The following CAMTA1 variants were observed in gnomAD, a reference collection of about 807,000 sequenced individuals.
CAMTA1 encodes the protein calmodulin binding transcription activator 1.
In CAMTA1, 27 loss-of-function variants were observed where a neutral mutation model predicts 170.9. The observed-to-expected ratio is 0.16, with a 90% CI of 0.12 to 0.22. The LOEUF is 0.22. CAMTA1 is among the 10% of genes least tolerant of loss of function. The pLI is 1.00. For missense variants in CAMTA1, 1,619 were observed against 2,217.2 expected (o/e 0.73, Z 5.42); for synonymous variants, 833 against 891.5 (o/e 0.93, Z 1.17).
intron 17 of CAMTA1, 122 bp downstream of exon 17, chr1:7,745,144 G>C: frequency 2.1e-5 from 20 of 945,016 alleles, no homozygotes; most frequent in Non-Finnish European, 3.1e-5. Context: ...AAGGAAGGAA[G>C]CATGAGGACA....
chr1:7,492,541 G>A (rs2093720805), intron 6 of CAMTA1, among the ~76,000 whole-genome samples: 1 of 152,098 alleles, frequency 6.6e-6, no homozygotes, highest in Non-Finnish European at 1.5e-5. Flanking sequence ...AGCACTGTGA[G>A]GGCTTGAACA....
At chr1:7,145,950 T>A (rs947448267) in intron 4 of CAMTA1, among the ~76,000 whole-genome samples, 6 of 152,204 alleles carry the variant, frequency 3.9e-5, no homozygotes, top group African/African-American at 1.2e-4. Flanking sequence ...TTTCTTTATG[T>A]CCCTGAGCTT....
rs1655449575 is a variant in CAMTA1 at position 7,195,984 on chromosome 1, T to C, written c.303-53507T>C. ...GTGAGCTGAGATCATCCCACTGCAC[T>C]CCAGCCTGGGCAACACAGTGAGATA... is the stretch of plus-strand genomic sequence containing the variant. On this transcript the variant is annotated intron_variant, in intron 4 of 22. Coordinates refer to ENST00000303635, the MANE Select transcript of CAMTA1 (RefSeq NM_015215.4). The surrounding 1 kb of genome is among the most constrained non-coding windows in gnomAD (Gnocchi z 4.1). Among the ~76,000 whole-genome samples, 1 of 151,956 alleles carries C rather than the reference T, an allele frequency of 6.6e-6. No homozygotes were observed. The highest frequency in any genetic ancestry group is 1.5e-5 in the Non-Finnish European group (1 of 67,990).
At chr1:7,378,500 G>C (rs932274729) in intron 5 of CAMTA1, among the ~76,000 whole-genome samples, 3 of 152,212 alleles carry the variant, frequency 2.0e-5, no homozygotes, top group Non-Finnish European at 4.4e-5. Context: ...AAAGAAGTCA[G>C]TCGCAGCAGG....
chr1:7,162,704 G>C (rs562715788), intron 4 of CAMTA1, among the ~76,000 whole-genome samples: 7 of 152,222 alleles, frequency 4.6e-5, no homozygotes, highest in Admixed American at 2.6e-4. Context: ...TCATTTATCA[G>C]CTCCTCAGTT....
chr1:7,428,283 C>T lies in CAMTA1; in HGVS notation c.439-39547C>T, dbSNP rs1032620871. On this transcript the variant is annotated intron_variant, in intron 5 of 22. Coordinates refer to ENST00000303635, the MANE Select transcript of CAMTA1 (RefSeq NM_015215.4). ...GGGAAGACCTCGTCGGGCGAATGCA[C>T]TGTTCCATTGCCAGCACCTAGACCA... Among the ~76,000 whole-genome samples the T allele has an allele frequency of 3.9e-5, 6 of 152,212 alleles. No individual in the cohort carries two copies. In the East Asian group the frequency reaches 1.2e-3, roughly 30 times the overall value.
chr1:7,347,416 G>A (rs561559259), intron 5 of CAMTA1, among the ~76,000 whole-genome samples: 2 of 152,266 alleles, frequency 1.3e-5, no homozygotes, highest in East Asian at 3.9e-4. Flanking sequence ...CCAGGGTCAC[G>A]GGCTTTGGCT....
intron 6 of CAMTA1, among the ~76,000 whole-genome samples, chr1:7,583,998 G>A (rs2095285551): frequency 6.6e-6 from 1 of 152,158 alleles, no homozygotes; most frequent in Non-Finnish European, 1.5e-5. Flanking sequence ...TGGAGAATGG[G>A]GCGTCCATGG....
rs2150264236 is a variant in CAMTA1 at position 7,562,021 on chromosome 1, T to C, written c.511-78379T>C. ...AGATCATGAGGCTTTCTGCAGACTTTGTCCCCATCGAAGGGTCGTGGCCAA... is the reference window on the plus strand; with the variant it reads ...AGATCATGAGGCTTTCTGCAGACTTCGTCCCCATCGAAGGGTCGTGGCCAA... On this transcript the variant is annotated intron_variant, in intron 6 of 22. Transcript: ENST00000303635. The surrounding 1 kb of genome is among the most constrained non-coding windows in gnomAD (Gnocchi z 4.8). Among the ~76,000 whole-genome samples, 1 of 152,296 alleles carries C rather than the reference T, an allele frequency of 6.6e-6. No homozygotes were observed. The highest frequency in any genetic ancestry group is 2.4e-5 in the African/African-American group (1 of 41,568).
intron 7 of CAMTA1, among the ~76,000 whole-genome samples, chr1:7,651,515 G>A (rs2095848619): frequency 6.6e-6 from 1 of 152,256 alleles, no homozygotes; most frequent in South Asian, 2.1e-4. Context: ...ACCAGGGGCT[G>A]AGGCAGACTT....
At position 6,875,877 on chromosome 1, in the gene CAMTA1, T is replaced by C. The variant is rs1669691819; in HGVS notation, c.234+50667T>C. On this transcript the variant is annotated intron_variant, in intron 3 of 22. Coordinates refer to ENST00000303635, the MANE Select transcript of CAMTA1 (RefSeq NM_015215.4). ...TTTTGTAAACAAGAAAACAAATAGG[T>C]CCTTACATTGTGCACATATGGATCT... Among the ~76,000 whole-genome samples the C allele has an allele frequency of 1.3e-5, 2 of 152,226 alleles. 1 individual carries two copies. The highest frequency in any genetic ancestry group is 1.3e-4 in the Admixed American group (2 of 15,288).
chr1:6,881,188 C>G (rs1201955822), intron 3 of CAMTA1, among the ~76,000 whole-genome samples: 1 of 152,110 alleles, frequency 6.6e-6, no homozygotes, highest in Non-Finnish European at 1.5e-5. Context: ...TTTTGTTTCT[C>G]TTTTAAAAAA....
At chr1:6,832,190 C>G (rs1650562794) in intron 3 of CAMTA1, among the ~76,000 whole-genome samples, 2 of 151,710 alleles carry the variant, frequency 1.3e-5, no homozygotes, top group South Asian at 4.2e-4. Context: ...CTGAAGCAAT[C>G]CTCCCATGTC....
intron 5 of CAMTA1, among the ~76,000 whole-genome samples, chr1:7,326,994 A>T (rs779974235): frequency 2.0e-5 from 3 of 152,160 alleles, no homozygotes; most frequent in Non-Finnish European, 4.4e-5. Flanking sequence ...GGAGGAGGTG[A>T]TATGCTGTCT....
chr1:7,476,253 C>A (rs1422164285), intron 6 of CAMTA1, among the ~76,000 whole-genome samples: 1 of 152,208 alleles, frequency 6.6e-6, no homozygotes, highest in Admixed American at 6.5e-5. Context: ...CAGGCCCTGA[C>A]ATTTGGGCCC....
At chr1:6,903,409 A>G (rs1677571486) in intron 3 of CAMTA1, among the ~76,000 whole-genome samples, 1 of 152,270 alleles carries the variant, frequency 6.6e-6, no homozygotes, top group Non-Finnish European at 1.5e-5. Flanking sequence ...TTAATTAAAA[A>G]TATATTTAAA....
chr1:7,203,014 G>T (rs1656996378), intron 4 of CAMTA1, among the ~76,000 whole-genome samples: 1 of 152,154 alleles, frequency 6.6e-6, no homozygotes, highest in African/African-American at 2.4e-5. Context: ...TGGGACTTTT[G>T]TAGGTGTCCT....
chr1:7,483,052 C>G (rs1388562092), intron 6 of CAMTA1, among the ~76,000 whole-genome samples: 1 of 152,146 alleles, frequency 6.6e-6, no homozygotes, highest in Non-Finnish European at 1.5e-5. Context: ...CTGAGCCAAC[C>G]CCTCTGCATT....
intron 4 of CAMTA1, among the ~76,000 whole-genome samples, chr1:7,243,035 G>A (rs1665165281): frequency 6.6e-6 from 1 of 152,134 alleles, no homozygotes; most frequent in Admixed American, 6.5e-5. Flanking sequence ...CTCCTTGATT[G>A]TGTATACTGA....
Sources: allele counts gnomAD v4.1 joint callset (sites outside exome capture counted in the v4.1 genomes callset), GRCh38; gene constraint gnomAD v4.1.1; non-coding constraint Gnocchi (gnomAD v3.1); transcripts MANE v1.5; gene names NCBI Gene and HGNC (gene_info 2026-07-23, HGNC 2026-07-21).